The following CSPP1 variants were observed in gnomAD, a reference collection of about 807,000 sequenced individuals.
CSPP1 encodes the protein centrosome and spindle pole-associated protein 1.
Under a neutral mutation model 164.4 loss-of-function variants are expected in CSPP1, and 126 were observed. That is an observed-to-expected ratio of 0.77 (90% CI 0.66 to 0.89). The LOEUF (loss-of-function observed/expected upper bound fraction) is 0.89, where lower values mean the gene tolerates loss of function less well. Among genes scored for constraint, CSPP1 ranks in the 40% least tolerant of loss-of-function variants. CSPP1 has a pLI of 0.00. For missense variants in CSPP1, 1,395 were observed against 1,449.8 expected (o/e 0.96, Z 0.61); for synonymous variants, 472 against 476.7 (o/e 0.99, Z 0.13).
At chr8:67,083,582 T>G (rs1809780767) in intron 3 of CSPP1, 1 of 143,642 alleles carries the variant, frequency 7.0e-6, no homozygotes, top group Admixed American at 7.0e-5. Context: ...TATGTATATA[T>G]GAATAATAAT....
intron 1 of CSPP1, chr8:67,069,276 CAGATT>C (rs1449234870): frequency 4.6e-5 from 7 of 152,090 alleles, no homozygotes; most frequent in Admixed American, 6.6e-5. Context: ...ATAATCTAAT[CAGATT>C]AGATACAGGA....
chr8:67,110,052 C>T (rs1195584619), intron 9 of CSPP1, among the ~76,000 whole-genome samples: 2 of 151,946 alleles, frequency 1.3e-5, no homozygotes, highest in African/African-American at 4.8e-5. Context: ...CAAGTTCCCA[C>T]CATGAATATG....
At chr8:67,131,223 C>T (rs537897093) in intron 15 of CSPP1, among the ~76,000 whole-genome samples, 22 of 152,048 alleles carry the variant, frequency 1.4e-4, no homozygotes, top group Non-Finnish European at 2.5e-4. Context: ...AGAAAGACTT[C>T]GTCTCTAAAA....
intron 15 of CSPP1, among the ~76,000 whole-genome samples, chr8:67,129,126 A>G (rs1563632125): frequency 6.6e-6 from 1 of 152,210 alleles, no homozygotes; most frequent in Admixed American, 6.5e-5. Flanking sequence ...GACAAAGGAA[A>G]AGCATTAAAA....
At chr8:67,176,395 C>T (rs954041535) in intron 26 of CSPP1, among the ~76,000 whole-genome samples, 2 of 152,088 alleles carry the variant, frequency 1.3e-5, no homozygotes, top group African/African-American at 4.8e-5. Flanking sequence ...AGTGATGCAG[C>T]AGTTTAGGCC....
chr8:67,117,355 G>T (rs1265863916), intron 13 of CSPP1, among the ~76,000 whole-genome samples: 4 of 152,110 alleles, frequency 2.6e-5, no homozygotes, highest in African/African-American at 9.7e-5. Flanking sequence ...GAATTATTTT[G>T]AAGTATATGA....
intron 8 of CSPP1, among the ~76,000 whole-genome samples, chr8:67,104,536 A>C (rs1814947045): frequency 6.6e-6 from 1 of 151,402 alleles, no homozygotes; most frequent in Non-Finnish European, 1.5e-5. Context: ...GCGCATGGCC[A>C]GGAAGGAGTG....
chr8:67,123,533 A>G (rs1819410474), intron 15 of CSPP1, among the ~76,000 whole-genome samples: 1 of 149,676 alleles, frequency 6.7e-6, no homozygotes. Flanking sequence ...TATGTTTGCC[A>G]TTTTGCAATT....
chr8:67,113,721 G>C (rs1817356223), intron 10 of CSPP1, 84 bp from the exon 11 acceptor site: 1 of 702,244 alleles, frequency 1.4e-6, no homozygotes. Flanking sequence ...CATAGACTTT[G>C]TGTATAAGCT....
chr8:67,110,405 G>A (rs141463182), intron 9 of CSPP1, among the ~76,000 whole-genome samples: 2 of 151,902 alleles, frequency 1.3e-5, no homozygotes, highest in African/African-American at 4.8e-5. Flanking sequence ...TGTTCCCTGA[G>A]AGACCACCAA....
At chr8:67,106,292 A>T (rs969936172) in intron 9 of CSPP1, among the ~76,000 whole-genome samples, 9 of 151,702 alleles carry the variant, frequency 5.9e-5, no homozygotes, top group African/African-American at 2.2e-4. Context: ...AGTTTCAGTA[A>T]TCTTTTTTTT....
chr8:67,123,762 C>T (rs1819480469), intron 15 of CSPP1, among the ~76,000 whole-genome samples: 1 of 151,894 alleles, frequency 6.6e-6, no homozygotes, highest in Admixed American at 6.6e-5. Flanking sequence ...CAGGCACATG[C>T]CACCACGCCT....
rs1227883520 is a variant in CSPP1, at chr8:67,196,423, G to A, written c.*830G>A. 1.3e-5 allele frequency among the ~76,000 whole-genome samples: 2 copies of A among 152,096 alleles called. No individual in the cohort carries two copies. The highest frequency in any genetic ancestry group is 6.5e-5 in the Admixed American group (1 of 15,274). On this transcript the variant is annotated 3_prime_UTR_variant, in exon 31 of 31. Transcript: ENST00000678616. The stretch of plus-strand genomic sequence containing the variant: ...TGAGTTTTCTAATCACTCAGTAAGT[G>A]ATACTTCTAAAAAAGGAAAGAGTCA...
At chr8:67,083,548 A>AAAAAAAAAAAAAAAAAAAT (rs1332248754) in intron 3 of CSPP1, 1 of 91,484 alleles carries the variant, frequency 1.1e-5, no homozygotes, top group Non-Finnish European at 2.0e-5. Flanking sequence ...AAAAAAAAAA[A>AAAAAAAAAAAAAAAAAAAT]ATATATATAT....
chr8:67,154,641 C>T (rs936920073), intron 19 of CSPP1, among the ~76,000 whole-genome samples: 11 of 152,168 alleles, frequency 7.2e-5, no homozygotes, highest in African/African-American at 2.4e-4. Flanking sequence ...GCTGGGATTA[C>T]AGGCGTGAGC....
intron 30 of CSPP1, among the ~76,000 whole-genome samples, chr8:67,194,248 T>C (rs1195994041): frequency 6.6e-6 from 1 of 152,254 alleles, no homozygotes; most frequent in African/African-American, 2.4e-5. Context: ...ATAATAGTTT[T>C]AGCAAATTAC....
chr8:67,082,400 A>G (rs1372755516), intron 3 of CSPP1, among the ~76,000 whole-genome samples: 2 of 152,150 alleles, frequency 1.3e-5, no homozygotes, highest in Admixed American at 1.3e-4. Flanking sequence ...CCTATTGTAA[A>G]CTAAATCACA....
At chr8:67,143,710 A>T (rs546688639) in intron 17 of CSPP1, among the ~76,000 whole-genome samples, 4 of 152,164 alleles carry the variant, frequency 2.6e-5, no homozygotes, top group African/African-American at 9.7e-5. Context: ...ACATTAAAAA[A>T]TTTTTAATTC....
intron 28 of CSPP1, among the ~76,000 whole-genome samples, chr8:67,184,705 CAG>C (rs1356792730): frequency 6.7e-6 from 1 of 149,536 alleles, no homozygotes; most frequent in Non-Finnish European, 1.5e-5. Flanking sequence ...GCCTGCATGA[CAG>C]AGTGAGATTC....
Sources: allele counts gnomAD v4.1 joint callset (sites outside exome capture counted in the v4.1 genomes callset), GRCh38; gene constraint gnomAD v4.1.1; transcripts MANE v1.5; gene names NCBI Gene and HGNC (gene_info 2026-07-23, HGNC 2026-07-21).